The following DCT variants were observed in gnomAD, a reference collection of about 807,000 sequenced individuals.
DCT encodes the protein dopachrome tautomerase.
In DCT, 47 loss-of-function variants were observed where a neutral mutation model predicts 53.0. That is an observed-to-expected ratio of 0.89 (90% CI 0.70 to 1.13). DCT has a LOEUF of 1.13. Ranked by LOEUF, DCT falls within the 50% of genes most tolerant of loss-of-function variation. The pLI, the probability that DCT is intolerant of heterozygous loss-of-function variation, is 0.00. For synonymous variants in DCT, 244 were observed against 237.0 expected, an observed-to-expected ratio of 1.03 and a Z score of -0.27; for missense variants, 669 against 637.4, an observed-to-expected ratio of 1.05 and a Z score of -0.53.
chr13:94,503,651 G>A, the DCT span, among the ~76,000 whole-genome samples: 17 of 152,302 alleles, frequency 1.1e-4, no homozygotes, highest in African/African-American at 3.6e-4. Context: ...AAGACTTCCT[G>A]GAGCCACCAG....
the DCT span, among the ~76,000 whole-genome samples, chr13:94,507,834 G>A: frequency 6.6e-6 from 1 of 152,196 alleles, no homozygotes; most frequent in Non-Finnish European, 1.5e-5. Context: ...ACTCTTAGAA[G>A]ATATTAGCTC....
At chr13:94,461,547 T>C (rs934245822) in intron 5 of DCT, among the ~76,000 whole-genome samples, 9 of 152,170 alleles carry the variant, frequency 5.9e-5, no homozygotes, top group Non-Finnish European at 1.2e-4. Context: ...ATGTTAAGTA[T>C]TGTAATGTCA....
chr13:94,545,092 T>C, the DCT span, among the ~76,000 whole-genome samples: 59 of 152,246 alleles, frequency 3.9e-4, no homozygotes, highest in African/African-American at 1.4e-3. Context: ...TCAGTGGGGT[T>C]CCCAGGAGAT....
chr13:94,443,453 T>C lies in DCT; in HGVS notation c.1364A>G (p.Tyr455Cys), dbSNP rs547609092. The C allele has an allele frequency of 4.9e-5, 79 of 1,613,514 alleles. No individual in the cohort carries two copies. The highest frequency in any genetic ancestry group is 6.5e-5 in the Non-Finnish European group (77 of 1,179,558). The change falls in exon 7 of 8, where the codon TAT becomes TGT. Residue 455 changes from tyrosine (Y) to cysteine (C), a missense_variant. Transcript: ENST00000377028. ...FLTSDQLGYS[Y>C]AIDLPVSVEE... ...TTAGTTACCTGGCAGATCGATGGCA[T>C]AGCTGTAGCCAAGTTGGTCTGAGGT... is the stretch of plus-strand genomic sequence containing the variant.
chr13:94,500,520 C>T, the DCT span, among the ~76,000 whole-genome samples: 1 of 152,170 alleles, frequency 6.6e-6, no homozygotes, highest in Admixed American at 6.5e-5. Context: ...TACAACCAAA[C>T]CATATCACTA....
chr13:94,529,110 C>A, the DCT span, among the ~76,000 whole-genome samples: 3,560 of 152,238 alleles, frequency 0.023, 153 homozygotes, highest in African/African-American at 0.082. Flanking sequence ...CATATATGCA[C>A]CCAACACAGG....
chr13:94,524,122 G>T, the DCT span, among the ~76,000 whole-genome samples: 1 of 152,122 alleles, frequency 6.6e-6, no homozygotes, highest in African/African-American at 2.4e-5. Context: ...AAAAAGCTTT[G>T]GTTGCAACTC....
chr13:94,518,407 A>C, the DCT span, among the ~76,000 whole-genome samples: 1 of 152,212 alleles, frequency 6.6e-6, no homozygotes, highest in East Asian at 1.9e-4. Flanking sequence ...TGTATCCAAA[A>C]CTTTTCTCAT....
At chr13:94,480,069 TAAAG>T (rs202135778), upstream of DCT, among the ~76,000 whole-genome samples, 447 of 152,272 alleles carry the variant, frequency 2.9e-3, 1 homozygote, top group African/African-American at 7.0e-3. Flanking sequence ...ACTTCAAAAA[TAAAG>T]AAACATTTAT....
chr13:94,468,876 G>A lies in DCT; in HGVS notation c.465C>T (p.Asp155=). 1 of 1,614,196 alleles carries A rather than the reference G, an allele frequency of 6.2e-7. No homozygotes were observed. The highest frequency in any genetic ancestry group is 1.1e-5 in the South Asian group (1 of 91,088). ...GCCAGTGTTGTGTGGTGATCACGTA[G>A]TCGGGGTGTACTCTCTTCTTCGCGA... ...LDLAKKRVHP[D]YVITTQHWLG... Residue 155 remains aspartate (D), a synonymous_variant, in exon 2 of 8, where the codon GAC becomes GAT. Coordinates refer to ENST00000377028, the MANE Select transcript of DCT (RefSeq NM_001922.5).
chr13:94,518,909 G>A, the DCT span, among the ~76,000 whole-genome samples: 7 of 152,056 alleles, frequency 4.6e-5, no homozygotes, highest in Admixed American at 4.6e-4. Flanking sequence ...ATCCCTTTAA[G>A]TTGCAGTCTT....
At chr13:94,504,255 C>T in the DCT span, among the ~76,000 whole-genome samples, 1 of 152,228 alleles carries the variant, frequency 6.6e-6, no homozygotes, top group South Asian at 2.1e-4. Context: ...CATTCTGCTT[C>T]TGTGTACTGC....
Position 94,470,261 on chromosome 13 carries a change from A to G in DCT, c.296-1216T>C, listed in dbSNP as rs548612000. Reference sequence around the variant, plus strand: ...GGAAGCTGTCAAGTCCTCAGGGTGAATCAGTAGCCATGATGTCAGGAAGTA... The same window carrying G: ...GGAAGCTGTCAAGTCCTCAGGGTGAGTCAGTAGCCATGATGTCAGGAAGTA... On this transcript the variant is annotated intron_variant, in intron 1 of 7. Transcript: ENST00000377028. 4.2e-4 allele frequency among the ~76,000 whole-genome samples: 64 copies of G among 152,230 alleles called. 1 individual carries two copies. Among genetic ancestry groups the G allele is most frequent in the Non-Finnish European group, 1.8e-4 (12 of 68,028 alleles).
the DCT span, among the ~76,000 whole-genome samples, chr13:94,527,408 GC>G: frequency 6.6e-6 from 1 of 152,136 alleles, no homozygotes; most frequent in Non-Finnish European, 1.5e-5. Flanking sequence ...ACAGGCAGGT[GC>G]CCCCTGGGAA....
the DCT span, among the ~76,000 whole-genome samples, chr13:94,522,339 A>C: frequency 6.6e-6 from 1 of 152,186 alleles, no homozygotes; most frequent in Non-Finnish European, 1.5e-5. Flanking sequence ...CCCAGCCTAC[A>C]TCTTTCTCCC....
chr13:94,466,964 T>C (rs41275880), intron 2 of DCT: 12,509 of 183,100 alleles, frequency 0.068, 562 homozygotes, highest in African/African-American at 0.12. Flanking sequence ...TAAGCAACAA[T>C]CCATTCAGGT....
the DCT span, among the ~76,000 whole-genome samples, chr13:94,529,332 T>C: frequency 6.6e-6 from 1 of 152,198 alleles, no homozygotes; most frequent in African/African-American, 2.4e-5. Context: ...ATCAACAGAA[T>C]ATACATTCTT....
At chr13:94,441,091 C>A (rs1257794741) in intron 7 of DCT, among the ~76,000 whole-genome samples, 1 of 152,164 alleles carries the variant, frequency 6.6e-6, no homozygotes, top group Admixed American at 6.6e-5. Flanking sequence ...CTATACCTTA[C>A]ACTCACCTAA....
the DCT span, among the ~76,000 whole-genome samples, chr13:94,538,876 TA>T: frequency 6.6e-6 from 1 of 152,192 alleles, no homozygotes; most frequent in Non-Finnish European, 1.5e-5. Context: ...TGTCTGTTTC[TA>T]TCTGTGCGGT....
Sources: gnomAD v4.1 joint callset for allele counts (sites outside exome capture counted in the v4.1 genomes callset) on GRCh38, gnomAD v4.1.1 for gene constraint, MANE v1.5 for transcripts, NCBI Gene and HGNC (gene_info 2026-07-23, HGNC 2026-07-21) for gene names.